KAZN: variants seen among roughly 807,000 people sequenced by gnomAD.
KAZN encodes kazrin, periplakin interacting protein, also known as kazrin.
In KAZN, 40 loss-of-function variants were observed where a neutral mutation model predicts 87.4. The observed-to-expected ratio is 0.46, with a 90% CI of 0.36 to 0.60. The LOEUF (loss-of-function observed/expected upper bound fraction) is 0.60. Among genes scored for constraint, KAZN ranks in the 20% least tolerant of loss-of-function variants. The probability of loss-of-function intolerance (pLI) is 0.00; values close to 1 mark genes in which losing one functional copy is unlikely to be tolerated. For synonymous variants in KAZN, 466 were observed against 458.3 expected (o/e 1.02, Z -0.22); for missense variants, 898 against 1,073.9 (o/e 0.84, Z 2.29).
chr1:14,855,605 A>AG (rs1405360520), intron 1 of KAZN, among the ~76,000 whole-genome samples: 3 of 152,218 alleles, frequency 2.0e-5, no homozygotes, highest in Admixed American at 6.5e-5. Flanking sequence ...GAAATGTTAT[A>AG]GGGTCTTCCT....
At chr1:14,868,722 T>C (rs1388984925) in intron 1 of KAZN, among the ~76,000 whole-genome samples, 1 of 151,566 alleles carries the variant, frequency 6.6e-6, no homozygotes, top group Non-Finnish European at 1.5e-5. Context: ...CGTGTGCCTG[T>C]AGTCCCAGCT....
At chr1:13,963,550 T>G (rs1183520437) in intron 1 of KAZN, among the ~76,000 whole-genome samples, 1 of 152,206 alleles carries the variant, frequency 6.6e-6, no homozygotes, top group East Asian at 1.9e-4. Context: ...CTTTAATTAT[T>G]GTTCCTCTGG....
intron 1 of KAZN, among the ~76,000 whole-genome samples, chr1:14,020,773 A>C (rs1249978524): frequency 6.6e-6 from 1 of 152,228 alleles, no homozygotes; most frequent in Non-Finnish European, 1.5e-5. Context: ...GTGAGCTTAT[A>C]TGATTTTGCA....
chr1:15,066,955 A>G lies in KAZN; in HGVS notation c.1222+1202A>G. 1.0e-6 allele frequency: 1 copy of G among 985,452 alleles called. No individual in the cohort carries two copies. Among genetic ancestry groups the G allele is most frequent in the Non-Finnish European group, 1.2e-6 (1 of 829,968 alleles). The allele number at this position is 985,452 out of a possible 1,614,324, so 61.0% of individuals were successfully genotyped here. On this transcript the variant is annotated intron_variant, in intron 8 of 14. Coordinates refer to ENST00000376030, the MANE Select transcript of KAZN (RefSeq NM_201628.3). The surrounding 1 kb of genome is among the most constrained non-coding windows in gnomAD (Gnocchi z 4.3). ...CACGACTTTAGTGAGCAGAGTGCTG[A>G]CAGTCATGGTCCCCTTCTTTGGGTC...
intron 2 of KAZN, among the ~76,000 whole-genome samples, chr1:14,326,662 C>G (rs1469910049): frequency 6.6e-6 from 1 of 152,212 alleles, no homozygotes; most frequent in Non-Finnish European, 1.5e-5. Context: ...CCTCTCTCTC[C>G]TCTTTCCACT....
intron 2 of KAZN, among the ~76,000 whole-genome samples, chr1:14,416,614 G>A (rs1664782051): frequency 6.6e-6 from 1 of 152,092 alleles, no homozygotes; most frequent in South Asian, 2.1e-4. Flanking sequence ...GTGGGCACCT[G>A]TAATCCCAGC....
rs139649732 is a variant in KAZN, at chr1:14,720,885, T to C, written c.226+121662T>C. The stretch of plus-strand genomic sequence containing the variant: ...CCGCGCCTGACCTTCCTTGCCACTT[T>C]CCAAGGCATTTTTTTCTGCTGCCTC... On this transcript the variant is annotated intron_variant, in intron 1 of 14. Coordinates refer to ENST00000376030, the MANE Select transcript of KAZN (RefSeq NM_201628.3). Among the ~76,000 whole-genome samples, 10 of 152,284 alleles carry C rather than the reference T, an allele frequency of 6.6e-5. No homozygotes were observed. The South Asian group carries it at 2.1e-3, about 32-fold the overall frequency.
intron 2 of KAZN, among the ~76,000 whole-genome samples, chr1:14,516,219 C>A (rs1671290967): frequency 6.6e-6 from 1 of 152,344 alleles, no homozygotes. Flanking sequence ...AGCAAAATAA[C>A]CAGCTCTGAT....
chr1:14,363,159 C>T (rs926013919), intron 2 of KAZN, among the ~76,000 whole-genome samples: 1 of 152,192 alleles, frequency 6.6e-6, no homozygotes, highest in African/African-American at 2.4e-5. Context: ...CATAAAAGTC[C>T]TCATCATCTT....
chr1:14,726,182 C>A (rs1333343696), intron 1 of KAZN, among the ~76,000 whole-genome samples: 2 of 152,176 alleles, frequency 1.3e-5, no homozygotes, highest in East Asian at 3.9e-4. Flanking sequence ...TCCAAAAGGG[C>A]CTATGACAAG....
chr1:14,363,778 G>A (rs1327585250), intron 2 of KAZN, among the ~76,000 whole-genome samples: 1 of 152,060 alleles, frequency 6.6e-6, no homozygotes, highest in Non-Finnish European at 1.5e-5. Flanking sequence ...AATACTTCCT[G>A]GTCCTTTACA....
At chr1:14,553,987 C>T (rs1163682132) in intron 2 of KAZN, among the ~76,000 whole-genome samples, 1 of 152,128 alleles carries the variant, frequency 6.6e-6, no homozygotes, top group East Asian at 1.9e-4. Flanking sequence ...AAGTGCTGAA[C>T]CCAAGCTTCT....
At chr1:14,216,826 C>A (rs1646966110) in intron 2 of KAZN, among the ~76,000 whole-genome samples, 2 of 152,114 alleles carry the variant, frequency 1.3e-5, no homozygotes, top group African/African-American at 4.8e-5. Context: ...ATTGCTTGAA[C>A]CCAGGAGGCG....
intron 1 of KAZN, among the ~76,000 whole-genome samples, chr1:14,849,800 T>C (rs1649216026): frequency 6.6e-6 from 1 of 152,176 alleles, no homozygotes; most frequent in Admixed American, 6.5e-5. Flanking sequence ...ATCCATTGTT[T>C]CCATAGCAGC....
chr1:14,938,908 G>A (rs6693394), intron 1 of KAZN, among the ~76,000 whole-genome samples: 80,891 of 152,116 alleles, frequency 0.53, 25,147 homozygotes, highest in African/African-American at 0.87. Flanking sequence ...AACCATCTTA[G>A]ATACTGTGTG....
intron 2 of KAZN, among the ~76,000 whole-genome samples, chr1:14,371,972 G>T (rs781540869): frequency 2.0e-5 from 3 of 152,228 alleles, no homozygotes; most frequent in Non-Finnish European, 2.9e-5. Flanking sequence ...AAGGAAACTG[G>T]CAGAGAATCT....
chr1:14,530,083 C>A (rs76284049), intron 2 of KAZN, among the ~76,000 whole-genome samples: 1 of 152,126 alleles, frequency 6.6e-6, no homozygotes, highest in African/African-American at 2.4e-5. Flanking sequence ...ATACTGGAAT[C>A]GCAGGGGCCA....
chr1:14,478,415 G>A (rs1023767819), intron 2 of KAZN, among the ~76,000 whole-genome samples: 5 of 152,138 alleles, frequency 3.3e-5, no homozygotes, highest in South Asian at 2.1e-4. Flanking sequence ...TGAAAGGTTG[G>A]ACGGATGGGT....
chr1:14,136,232 A>T (rs922403664), intron 1 of KAZN, among the ~76,000 whole-genome samples: 1 of 151,934 alleles, frequency 6.6e-6, no homozygotes, highest in Non-Finnish European at 1.5e-5. Flanking sequence ...AGTTTTGGGG[A>T]GCCCCGGCCT....
Sources: gnomAD v4.1 joint callset for allele counts (sites outside exome capture counted in the v4.1 genomes callset) on GRCh38, gnomAD v4.1.1 for gene constraint, Gnocchi (gnomAD v3.1) non-coding constraint, MANE v1.5 for transcripts, NCBI Gene and HGNC (gene_info 2026-07-23, HGNC 2026-07-21) for gene names.